The following CRPPA variants were observed in gnomAD, a reference collection of about 807,000 sequenced individuals.
CRPPA encodes D-ribitol-5-phosphate cytidylyltransferase.
Under a neutral mutation model 52.0 loss-of-function variants are expected in CRPPA, and 43 were observed. That is an observed-to-expected ratio of 0.83 (90% CI 0.65 to 1.07). The LOEUF (loss-of-function observed/expected upper bound fraction) is 1.07, where lower values mean the gene tolerates loss of function less well. Ranked by LOEUF, CRPPA falls within the 50% of genes least tolerant of loss-of-function variation. The pLI is 0.00. For synonymous variants in CRPPA, 250 were observed against 203.5 expected (o/e 1.23, Z -1.94); for missense variants, 629 against 551.7 (o/e 1.14, Z -1.40).
intron 3 of CRPPA, among the ~76,000 whole-genome samples, chr7:16,344,019 T>C (rs1249240473): frequency 6.6e-6 from 1 of 152,110 alleles, no homozygotes; most frequent in African/African-American, 2.4e-5. Flanking sequence ...TCAGTAATCA[T>C]ATGTAACAAA....
rs1491461185 is a variant in CRPPA at position 16,342,798 on chromosome 7, T to TATATATAGATAGATATATAGATATA, written c.684+33293_684+33294insTATATCTATATATCTATCTATATAT. On this transcript the variant is annotated intron_variant, in intron 3 of 9. Coordinates refer to ENST00000407010, the MANE Select transcript of CRPPA (RefSeq NM_001101426.4). ...AAAAAAAAAAATATATATATATATA[T>TATATATAGATAGATATATAGATATA]CTATATAGATATATAGATATACATA... is the stretch of plus-strand genomic sequence containing the variant. 1.3e-3 allele frequency among the ~76,000 whole-genome samples: 134 copies of TATATATAGATAGATATATAGATATA among 101,208 alleles called. 6 individuals are homozygous for TATATATAGATAGATATATAGATATA. The highest frequency in any genetic ancestry group is 5.2e-3 in the African/African-American group (127 of 24,562). The allele number at this position is 101,208 out of a possible 152,430, so 66.4% of individuals were successfully genotyped here.
intron 2 of CRPPA, among the ~76,000 whole-genome samples, chr7:16,388,175 T>G (rs1787343191): frequency 1.3e-5 from 2 of 152,008 alleles, no homozygotes; most frequent in Admixed American, 1.3e-4. Flanking sequence ...AGGGTTTCAC[T>G]ATGTTGCCCA....
At chr7:16,271,368 A>T (rs1784086281) in intron 6 of CRPPA, among the ~76,000 whole-genome samples, 1 of 152,186 alleles carries the variant, frequency 6.6e-6, no homozygotes, top group Non-Finnish European at 1.5e-5. Context: ...ATCTTCTTGT[A>T]AAGGTAAACT....
chr7:16,345,854 G>A (rs1198597362), intron 3 of CRPPA, among the ~76,000 whole-genome samples: 1 of 152,078 alleles, frequency 6.6e-6, no homozygotes. Context: ...CATTTGTTCA[G>A]GTTTTATCCT....
rs183789717 is a variant in CRPPA, at chr7:16,256,287, T to C, written c.1119+2103A>G. Among the ~76,000 whole-genome samples the C allele has an allele frequency of 3.8e-4, 58 of 152,278 alleles. No individual in the cohort carries two copies. The East Asian group carries it at 0.01, about 27-fold the overall frequency. On this transcript the variant is annotated intron_variant, in intron 8 of 9. Coordinates refer to ENST00000407010, the MANE Select transcript of CRPPA (RefSeq NM_001101426.4). ...CATTAAAAAGTCAAGAAACAACAGA[T>C]GCTGGAGAGGATGTGGAGAAATATG...
intron 9 of CRPPA, among the ~76,000 whole-genome samples, chr7:16,215,437 G>C (rs6976895): frequency 0.018 from 2,714 of 152,260 alleles, 73 homozygotes; most frequent in African/African-American, 0.062. Flanking sequence ...TCTGCACAAA[G>C]AATCTGTAAT....
intron 9 of CRPPA, among the ~76,000 whole-genome samples, chr7:16,125,598 A>C (rs1782562939): frequency 6.6e-6 from 1 of 152,136 alleles, no homozygotes; most frequent in African/African-American, 2.4e-5. Flanking sequence ...GATCATAAGT[A>C]AAATTATAGT....
intron 9 of CRPPA, among the ~76,000 whole-genome samples, chr7:16,157,444 A>T (rs1269877359): frequency 1.3e-5 from 2 of 152,212 alleles, no homozygotes; most frequent in Admixed American, 6.5e-5. Context: ...CTAAATCAAA[A>T]AATGAAAAGT....
At chr7:16,355,437 G>T (rs1786269883) in intron 3 of CRPPA, among the ~76,000 whole-genome samples, 2 of 152,304 alleles carry the variant, frequency 1.3e-5, no homozygotes, top group Middle Eastern at 3.4e-3. Context: ...CATCAGTACA[G>T]TCTGTTCTGG....
At chr7:16,118,975 A>G (rs1290688578) in intron 9 of CRPPA, among the ~76,000 whole-genome samples, 1 of 152,052 alleles carries the variant, frequency 6.6e-6, no homozygotes, top group East Asian at 1.9e-4. Flanking sequence ...TAGGAGGAGG[A>G]TGAGGCTGCC....
At chr7:16,420,670 G>A (rs1788307609) in intron 1 of CRPPA, among the ~76,000 whole-genome samples, 1 of 152,212 alleles carries the variant, frequency 6.6e-6, no homozygotes, top group South Asian at 2.1e-4. Flanking sequence ...ACTTCAGTGT[G>A]CACGTACAAC....
At chr7:16,244,791 GA>G (rs1783223396) in intron 8 of CRPPA, among the ~76,000 whole-genome samples, 1 of 152,040 alleles carries the variant, frequency 6.6e-6, no homozygotes, top group Admixed American at 6.6e-5. Context: ...CCTTGTATAA[GA>G]AAAAGAACCG....
Position 16,271,784 on chromosome 7 carries a change from A to G in CRPPA, c.933+6345T>C, listed in dbSNP as rs1784095073. Among the ~76,000 whole-genome samples, 4 of 152,162 alleles carry G rather than the reference A, an allele frequency of 2.6e-5. No homozygotes were observed. In the South Asian group the frequency reaches 8.3e-4, roughly 31 times the overall value. ...TGTTTTCCTTAGAATATTCATCACA[A>G]TTTGACATTTTAATTTGCATTCATT... On this transcript the variant is annotated intron_variant, in intron 6 of 9. Transcript: ENST00000407010.
chr7:16,254,995 C>T (rs1783595651), intron 8 of CRPPA, among the ~76,000 whole-genome samples: 1 of 152,080 alleles, frequency 6.6e-6, no homozygotes, highest in African/African-American at 2.4e-5. Context: ...AAGAGGAAGT[C>T]AAATTGTCCC....
At chr7:16,331,350 T>C (rs991317760) in intron 3 of CRPPA, among the ~76,000 whole-genome samples, 1 of 152,126 alleles carries the variant, frequency 6.6e-6, no homozygotes, top group Admixed American at 6.5e-5. Context: ...GATCTAATCA[T>C]AGGACTATGG....
chr7:16,421,164 G>T lies in CRPPA; in HGVS notation c.159C>A (p.Ala53=), dbSNP rs1190838513. ...HPQAVAAVLP[A]GGCGERMGVP... ...CCCCCATCCTCTCCCCGCACCCCCC[G>T]GCAGGCAACACAGCTGCCACGGCTT... Residue 53 remains alanine (A), a synonymous_variant, in exon 1 of 10, where the codon GCC becomes GCA. Transcript: ENST00000407010. 3.0e-6 allele frequency: 4 copies of T among 1,338,722 alleles called. No homozygotes were observed. The highest frequency in any genetic ancestry group is 3.9e-5 in the Admixed American group (1 of 25,332). 82.9% of individuals were successfully genotyped at this position (1,338,722 alleles called of 1,614,324 possible). A position where few individuals can be genotyped will look rare whatever the true frequency, so the allele number is the denominator to read the frequency against.
intron 2 of CRPPA, among the ~76,000 whole-genome samples, chr7:16,400,293 GA>G (rs1787774865): frequency 1.3e-5 from 2 of 152,316 alleles, no homozygotes; most frequent in Admixed American, 6.5e-5. Flanking sequence ...CATGACCAAT[GA>G]GACACGGAAC....
intron 8 of CRPPA, among the ~76,000 whole-genome samples, chr7:16,243,401 T>C (rs1783181087): frequency 6.6e-6 from 1 of 152,156 alleles, no homozygotes; most frequent in South Asian, 2.1e-4. Context: ...TCTGTAGAAT[T>C]CTGAGAACTC....
intron 5 of CRPPA, among the ~76,000 whole-genome samples, chr7:16,291,953 C>T (rs1434457941): frequency 6.6e-6 from 1 of 151,776 alleles, no homozygotes; most frequent in African/African-American, 2.4e-5. Context: ...TACTTATTTC[C>T]ATCTGGAAGT....
Sources: allele counts gnomAD v4.1 joint callset (sites outside exome capture counted in the v4.1 genomes callset), GRCh38; gene constraint gnomAD v4.1.1; transcripts MANE v1.5; gene names NCBI Gene and HGNC (gene_info 2026-07-23, HGNC 2026-07-21).